Variants in VMP1 observed in about 807,000 individuals in gnomAD.
The protein encoded by VMP1 is ectopic P-granules autophagy protein 3 homolog.
A neutral mutation model predicts 56.0 loss-of-function variants in VMP1; 11 were observed. The ratio of observed to expected loss-of-function variants is 0.20; its 90% confidence interval spans 0.12 to 0.32. The LOEUF (loss-of-function observed/expected upper bound fraction) is 0.32, where lower values mean the gene tolerates loss of function less well. Ranked by LOEUF, VMP1 falls within the 10% of genes least tolerant of loss-of-function variation. VMP1 has a pLI of 1.00. For synonymous variants in VMP1, 149 were observed against 165.0 expected (o/e 0.90, Z 0.74); for missense variants, 296 against 490.3 (o/e 0.60, Z 3.74).
At chr17:59,731,874 A>G (rs2034838035) in intron 2 of VMP1, among the ~76,000 whole-genome samples, 1 of 152,216 alleles carries the variant, frequency 6.6e-6, no homozygotes, top group Non-Finnish European at 1.5e-5. Flanking sequence ...ACAGTTATCA[A>G]AAAAGTTAGA....
In VMP1 at chr17:59,719,288, T is replaced by A. The variant is rs2034298890; in HGVS notation, c.-27+11540T>A. On this transcript the variant is annotated intron_variant, in intron 1 of 11. Coordinates refer to ENST00000262291, the MANE Select transcript of VMP1 (RefSeq NM_030938.5). ...GACCTGTGACCATGCTACTGCACTC[T>A]AGCCTGAGTGACAGAGGAAGACCCT... 2.0e-5 allele frequency among the ~76,000 whole-genome samples: 3 copies of A among 150,816 alleles called. No homozygotes were observed. In the South Asian group the frequency reaches 6.3e-4, roughly 32 times the overall value.
At chr17:59,752,188 G>T (rs1174570232) in intron 5 of VMP1, among the ~76,000 whole-genome samples, 1 of 152,198 alleles carries the variant, frequency 6.6e-6, no homozygotes. Flanking sequence ...CAACTACTCA[G>T]ATCTGTCACT....
At chr17:59,724,561 A>G (rs979475769) in intron 1 of VMP1, among the ~76,000 whole-genome samples, 3 of 152,170 alleles carry the variant, frequency 2.0e-5, no homozygotes, top group African/African-American at 7.2e-5. Context: ...AGTCCCAGCT[A>G]CTTGGGAGGC....
intron 11 of VMP1, chr17:59,839,094 AAGCGATTCTC>A (rs2039076005): frequency 3.2e-5 from 5 of 153,902 alleles, no homozygotes; most frequent in Admixed American, 6.5e-5. Context: ...TCCCGGGTTC[AAGCGATTCTC>A]CTGCCTCAGC....
chr17:59,800,044 CAGTA>C (rs1555623734), intron 7 of VMP1, among the ~76,000 whole-genome samples: 1 of 151,204 alleles, frequency 6.6e-6, no homozygotes, highest in Non-Finnish European at 1.5e-5. Flanking sequence ...AGGAAGTCAA[CAGTA>C]AGAATATTTT....
chr17:59,835,210 C>A (rs2038941969), intron 10 of VMP1, among the ~76,000 whole-genome samples: 1 of 151,724 alleles, frequency 6.6e-6, no homozygotes, highest in Admixed American at 6.6e-5. Context: ...CTCACTGCAA[C>A]CTCCACTTCC....
At chr17:59,723,621 G>C (rs944220495) in intron 1 of VMP1, among the ~76,000 whole-genome samples, 1 of 152,094 alleles carries the variant, frequency 6.6e-6, no homozygotes, top group Non-Finnish European at 1.5e-5. Flanking sequence ...TGTATATGTC[G>C]GCAACTCTTT....
intron 6 of VMP1, among the ~76,000 whole-genome samples, chr17:59,770,491 G>T (rs1210431267): frequency 6.6e-6 from 1 of 151,898 alleles, no homozygotes; most frequent in Non-Finnish European, 1.5e-5. Context: ...CAGCCTTGGG[G>T]CCTAAAATGC....
intron 1 of VMP1, among the ~76,000 whole-genome samples, chr17:59,721,669 G>A (rs1440551187): frequency 6.6e-6 from 1 of 152,020 alleles, no homozygotes; most frequent in Non-Finnish European, 1.5e-5. Flanking sequence ...GGAGCACTTG[G>A]TACCCAGAAG....
At chr17:59,713,965 C>T (rs528479101) in intron 1 of VMP1, among the ~76,000 whole-genome samples, 10 of 149,168 alleles carry the variant, frequency 6.7e-5, no homozygotes, top group African/African-American at 2.2e-4. Context: ...CGCTTGAACC[C>T]GGGAGGCAGA....
Position 59,830,280 on chromosome 17 carries a change from CT to C in VMP1, c.975-8013del, listed in dbSNP as rs1280507545. ...GTCTCACTATATTGCCCAGGCTGGT[CT>C]TGAACTCATAGGCTCAAGTGATCCT... On this transcript the variant is annotated intron_variant, in intron 10 of 11. Transcript: ENST00000262291. Among the ~76,000 whole-genome samples the C allele has an allele frequency of 2.6e-5, 4 of 152,160 alleles. No individual in the cohort carries two copies. The East Asian group carries it at 7.7e-4, about 29-fold the overall frequency.
chr17:59,759,438 A>C (rs754348058), intron 5 of VMP1, among the ~76,000 whole-genome samples: 7 of 152,120 alleles, frequency 4.6e-5, no homozygotes, highest in African/African-American at 4.8e-5. Flanking sequence ...GTGTTCTGTC[A>C]GTTTTTGCTT....
chr17:59,790,034 C>A (rs2037169554), intron 7 of VMP1, among the ~76,000 whole-genome samples: 1 of 151,738 alleles, frequency 6.6e-6, no homozygotes, highest in African/African-American at 2.4e-5. Flanking sequence ...AGAGACAGGG[C>A]TTCACCATAT....
chr17:59,750,302 ATT>A (rs201862660), intron 5 of VMP1, among the ~76,000 whole-genome samples: 16 of 143,088 alleles, frequency 1.1e-4, no homozygotes, highest in Admixed American at 1.4e-4. Flanking sequence ...ACAATGAATA[ATT>A]TTTTTTTTTT....
intron 11 of VMP1, chr17:59,839,558 C>T: frequency 1.7e-6 from 1 of 578,856 alleles, no homozygotes; most frequent in Non-Finnish European, 2.9e-6. Flanking sequence ...TGATTCAACA[C>T]TGATTTTACA....
At chr17:59,761,320 A>T (rs375191253) in intron 5 of VMP1, among the ~76,000 whole-genome samples, 12 of 152,326 alleles carry the variant, frequency 7.9e-5, no homozygotes, top group South Asian at 6.2e-4. Flanking sequence ...TCTTTTGGTT[A>T]TGAGTTATAA....
chr17:59,802,511 CAT>C (rs2037708616), intron 7 of VMP1, among the ~76,000 whole-genome samples: 1 of 152,166 alleles, frequency 6.6e-6, no homozygotes, highest in South Asian at 2.1e-4. Context: ...ACTTCCATAA[CAT>C]ATTAACCAAG....
chr17:59,830,786 A>T (rs1468422201), intron 10 of VMP1, among the ~76,000 whole-genome samples: 2 of 152,248 alleles, frequency 1.3e-5, no homozygotes, highest in African/African-American at 4.8e-5. Flanking sequence ...CTTTAAGTAT[A>T]CACTCTGTAA....
At chr17:59,737,299 C>G (rs1350631604) in intron 3 of VMP1, among the ~76,000 whole-genome samples, 154 bp from the exon 4 acceptor site, 1 of 152,130 alleles carries the variant, frequency 6.6e-6, no homozygotes, top group African/African-American at 2.4e-5. Context: ...CCCTTGACCC[C>G]CTTCTGTTAC....
Sources: gnomAD v4.1 joint callset for allele counts (sites outside exome capture counted in the v4.1 genomes callset) on GRCh38, gnomAD v4.1.1 for gene constraint, MANE v1.5 for transcripts, NCBI Gene and HGNC (gene_info 2026-07-23, HGNC 2026-07-21) for gene names.